Variants in MRGPRX3 observed in about 807,000 individuals in gnomAD.
MRGPRX3 encodes MAS related GPR family member X3, also known as mas-related G protein-coupled receptor member X3.
MRGPRX3 carries 14 observed loss-of-function variants against 16.5 expected under a neutral mutation model. That is an observed-to-expected ratio of 0.85 (90% CI 0.56 to 1.33). The LOEUF (loss-of-function observed/expected upper bound fraction) is 1.33. Among genes scored for constraint, MRGPRX3 ranks in the 40% most tolerant of loss-of-function variants. MRGPRX3 has a pLI of 0.00. For synonymous variants in MRGPRX3, 199 were observed against 180.1 expected (o/e 1.10, Z -0.84); for missense variants, 449 against 413.0 (o/e 1.09, Z -0.76).
chr11:18,126,293 G>T (rs1023301846), intron 1 of MRGPRX3, among the ~76,000 whole-genome samples: 1 of 152,082 alleles, frequency 6.6e-6, no homozygotes, highest in East Asian at 1.9e-4. Context: ...AACATTGATG[G>T]TCTTTACAAC....
chr11:18,129,695 A>G (rs1046683823), upstream of MRGPRX3, among the ~76,000 whole-genome samples: 1 of 152,216 alleles, frequency 6.6e-6, no homozygotes, highest in Non-Finnish European at 1.5e-5. Flanking sequence ...AGCCAATGTC[A>G]CTTTAATACC....
At chr11:18,122,379 G>T (rs1848849047) in intron 1 of MRGPRX3, among the ~76,000 whole-genome samples, 1 of 152,120 alleles carries the variant, frequency 6.6e-6, no homozygotes, top group Non-Finnish European at 1.5e-5. Context: ...GATGTTCCCT[G>T]CCCTGTGTCC....
At chr11:18,122,675 G>A (rs1848851941) in intron 1 of MRGPRX3, among the ~76,000 whole-genome samples, 1 of 152,192 alleles carries the variant, frequency 6.6e-6, no homozygotes, top group Non-Finnish European at 1.5e-5. Context: ...ATAGCAGGGT[G>A]ATTTATAATC....
At chr11:18,127,247 T>A (rs1848910092) in intron 1 of MRGPRX3, among the ~76,000 whole-genome samples, 1 of 152,208 alleles carries the variant, frequency 6.6e-6, no homozygotes, top group Non-Finnish European at 1.5e-5. Flanking sequence ...CAATTATGTG[T>A]CTTGGAGTTG....
At chr11:18,136,670 G>T (rs1284971741) in intron 1 of MRGPRX3, among the ~76,000 whole-genome samples, 5 of 152,148 alleles carry the variant, frequency 3.3e-5, no homozygotes, top group African/African-American at 4.8e-5. Context: ...GTAAAATGTG[G>T]TCCTGTCTGC....
upstream of MRGPRX3, among the ~76,000 whole-genome samples, chr11:18,130,785 A>G (rs1169945537): frequency 6.6e-6 from 1 of 152,134 alleles, no homozygotes; most frequent in Non-Finnish European, 1.5e-5. Context: ...TTCAAACTAT[A>G]CTACAAGGCT....
intron 1 of MRGPRX3, among the ~76,000 whole-genome samples, chr11:18,125,888 T>A (rs1848890287): frequency 6.6e-6 from 1 of 152,252 alleles, no homozygotes; most frequent in African/African-American, 2.4e-5. Flanking sequence ...TGGGTGCATA[T>A]ATGTTTAGGA....
Position 18,137,280 on chromosome 11 carries a change from G to T in MRGPRX3, c.78G>T (p.Gln26His), listed in dbSNP as rs1365985699. The change falls in exon 2 of 2, where the codon CAG (glutamine) becomes CAT (histidine). Residue 26 changes from glutamine to histidine, a missense_variant. By Grantham distance (24) the Gln-to-His change is conservative. Transcript: ENST00000621697. ...GTGAGGAGACTCCTTGCTACAAGCA[G>T]ACCCTGAGCTTCACGGGGCTGACGT... Reference protein sequence around the residue: ...NGREETPCYKQTLSFTGLTCI... With the variant: ...NGREETPCYKHTLSFTGLTCI... 1.9e-6 allele frequency: 3 copies of T among 1,614,004 alleles called. No homozygotes were observed. In the African/African-American group the frequency reaches 4.0e-5, roughly 22 times the overall value.
chr11:18,130,199 A>G (rs111976204), upstream of MRGPRX3, among the ~76,000 whole-genome samples: 1,585 of 152,282 alleles, frequency 0.01, 27 homozygotes, highest in African/African-American at 0.037. Context: ...CAAGAGAAAG[A>G]AATCAAGGGC....
upstream of MRGPRX3, among the ~76,000 whole-genome samples, chr11:18,129,131 G>C (rs1483575674): frequency 6.6e-6 from 1 of 152,216 alleles, no homozygotes; most frequent in South Asian, 2.1e-4. Flanking sequence ...ACATCTCAAG[G>C]AACTAGAGAA....
chr11:18,130,923 T>C (rs147249836), upstream of MRGPRX3, among the ~76,000 whole-genome samples: 156 of 151,924 alleles, frequency 1.0e-3, no homozygotes, highest in African/African-American at 3.5e-3. Flanking sequence ...AACAAAAACA[T>C]AAAGTGGGGA....
chr11:18,125,905 G>C (rs969211423), intron 1 of MRGPRX3, among the ~76,000 whole-genome samples: 2 of 152,202 alleles, frequency 1.3e-5, no homozygotes, highest in Non-Finnish European at 2.9e-5. Context: ...AGGATAGTTA[G>C]CTCTTCTTGT....
rs1180879564 is a variant in MRGPRX3 at position 18,123,060 on chromosome 11, G to T, written c.-152+1896G>T. On this transcript the variant is annotated intron_variant, in intron 1 of 2. Transcript: ENST00000396275. ...TTTGTTTTTTTCTTGTAAATTTGTT[G>T]GAGTTCATTGTAGATTCTGGATATT... is the stretch of plus-strand genomic sequence containing the variant. 1.3e-4 allele frequency among the ~76,000 whole-genome samples: 20 copies of T among 151,820 alleles called. No homozygotes were observed. The South Asian group carries it at 2.7e-3, about 21-fold the overall frequency.
upstream of MRGPRX3, among the ~76,000 whole-genome samples, chr11:18,129,182 T>C (rs1848934847): frequency 1.3e-5 from 2 of 151,736 alleles, no homozygotes; most frequent in South Asian, 4.2e-4. Context: ...AGAAAATAAA[T>C]AAAAACGATC....
chr11:18,125,611 T>C (rs1213024440), intron 1 of MRGPRX3, among the ~76,000 whole-genome samples: 2 of 152,198 alleles, frequency 1.3e-5, no homozygotes, highest in Non-Finnish European at 2.9e-5. Context: ...CTTCCAATTA[T>C]GTGGTCAATT....
At chr11:18,129,709 A>G (rs865950075), upstream of MRGPRX3, among the ~76,000 whole-genome samples, 6 of 152,192 alleles carry the variant, frequency 3.9e-5, no homozygotes, top group South Asian at 2.1e-4. Flanking sequence ...TAATACCAAA[A>G]CCAGGAAAGG....
At chr11:18,133,767 G>A (rs1425069582) in intron 1 of MRGPRX3, among the ~76,000 whole-genome samples, 1 of 152,148 alleles carries the variant, frequency 6.6e-6, no homozygotes, top group African/African-American at 2.4e-5. Flanking sequence ...CCCAGTCTCA[G>A]GTATTTCTTT....
At position 18,125,866 on chromosome 11, in the gene MRGPRX3, G is replaced by A. The variant is rs571022661; in HGVS notation, c.-152+4702G>A. Among the ~76,000 whole-genome samples the A allele has an allele frequency of 5.3e-5, 8 of 152,268 alleles. No individual in the cohort carries two copies. The South Asian group carries it at 1.7e-3, about 32-fold the overall frequency. ...CTAAGGACTTGCTTTATGAATCTGG[G>A]TGCTCCTGTATTGGGTGCATATATG... On this transcript the variant is annotated intron_variant, in intron 1 of 2. Transcript: ENST00000396275.
At chr11:18,123,755 T>G (rs573501894) in intron 1 of MRGPRX3, among the ~76,000 whole-genome samples, 68 of 152,354 alleles carry the variant, frequency 4.5e-4, no homozygotes, top group African/African-American at 1.5e-3. Flanking sequence ...GGGGATGGCA[T>G]TGAATCTATA....
Sources: gnomAD v4.1 joint callset for allele counts (sites outside exome capture counted in the v4.1 genomes callset) on GRCh38, gnomAD v4.1.1 for gene constraint, MANE v1.5 for transcripts, NCBI Gene and HGNC (gene_info 2026-07-23, HGNC 2026-07-21) for gene names.